ESRRB: variants seen among roughly 807,000 people sequenced by gnomAD.
The protein encoded by ESRRB is steroid hormone receptor ERR2.
A neutral mutation model predicts 46.0 loss-of-function variants in ESRRB; 16 were observed. The observed-to-expected ratio is 0.35, with a 90% CI of 0.24 to 0.53. The LOEUF is 0.53. ESRRB is among the 20% of genes least tolerant of loss of function. The pLI is 0.93. For missense variants in ESRRB, 488 were observed against 607.4 expected, an observed-to-expected ratio of 0.80 and a Z score of 2.07; for synonymous variants, 246 against 259.6, an observed-to-expected ratio of 0.95 and a Z score of 0.50.
chr14:76,474,842 A>G (rs1323556275), intron 3 of ESRRB, among the ~76,000 whole-genome samples: 1 of 151,332 alleles, frequency 6.6e-6, no homozygotes, highest in Non-Finnish European at 1.5e-5. Flanking sequence ...AAACAAAACA[A>G]AACAAAACAA....
chr14:76,351,941 C>G (rs1001620427), intron 1 of ESRRB, among the ~76,000 whole-genome samples: 1 of 143,806 alleles, frequency 7.0e-6, no homozygotes, highest in Admixed American at 7.2e-5. Context: ...ACTATGATGG[C>G]ACTACTGCAC....
At chr14:76,366,241 T>C (rs1163542316) in intron 1 of ESRRB, among the ~76,000 whole-genome samples, 1 of 152,128 alleles carries the variant, frequency 6.6e-6, no homozygotes, top group Admixed American at 6.5e-5. Flanking sequence ...TAAAAGATTT[T>C]CTTCACATTA....
chr14:76,330,518 G>T (rs190248930), intron 1 of ESRRB, among the ~76,000 whole-genome samples: 2 of 152,194 alleles, frequency 1.3e-5, no homozygotes, highest in Admixed American at 6.5e-5. Context: ...GGTTGCCCCC[G>T]CACTCTGTCC....
At chr14:76,366,860 G>C (rs569864520), upstream of ESRRB, among the ~76,000 whole-genome samples, 1 of 152,212 alleles carries the variant, frequency 6.6e-6, no homozygotes, top group African/African-American at 2.4e-5. Context: ...ACCTGTGTGG[G>C]GCTCTGCAAA....
intron 5 of ESRRB, among the ~76,000 whole-genome samples, chr14:76,483,818 G>A (rs1482817618): frequency 6.6e-6 from 1 of 152,166 alleles, no homozygotes; most frequent in Non-Finnish European, 1.5e-5. Flanking sequence ...ATACAGCAAA[G>A]GTGACCTAGA....
chr14:76,410,806 CAG>C (rs1230400662), intron 1 of ESRRB, among the ~76,000 whole-genome samples: 3 of 151,654 alleles, frequency 2.0e-5, no homozygotes, highest in African/African-American at 4.8e-5. Flanking sequence ...TTTTTTGAGA[CAG>C]AGTCTCTCTC....
In ESRRB at chr14:76,358,331, G is replaced by T. The variant is rs7493988; in HGVS notation, c.2+47415G>T. On this transcript the variant is annotated intron_variant, in intron 1 of 6. Transcript: ENST00000512784. ...TGTCTCAAAAAAAAAAAAAAAGAAA[G>T]AAAGAAAGAAAGAAAGAAAGAAAGA... Among the ~76,000 whole-genome samples, 8 of 12,422 alleles carry T rather than the reference G, an allele frequency of 6.4e-4. 1 individual carries two copies. The highest frequency in any genetic ancestry group is 1.0e-3 in the Admixed American group (1 of 962). 8.1% of individuals were successfully genotyped at this position (12,422 alleles called of 152,430 possible). A position where few individuals can be genotyped will look rare whatever the true frequency, so the allele number is the denominator to read the frequency against.
chr14:76,328,813 G>A (rs945450446), intron 1 of ESRRB, among the ~76,000 whole-genome samples: 6 of 152,090 alleles, frequency 3.9e-5, no homozygotes, highest in Non-Finnish European at 8.8e-5. Context: ...GTCTGCAGTA[G>A]CCCCTGAGTC....
At chr14:76,355,290 T>C (rs2361000) in intron 1 of ESRRB, among the ~76,000 whole-genome samples, 29,799 of 152,110 alleles carry the variant, frequency 0.2, 3,647 homozygotes, top group Non-Finnish European at 0.28. Context: ...CCCGAAATAC[T>C]GAGTTTGTGT....
intron 3 of ESRRB, among the ~76,000 whole-genome samples, chr14:76,472,491 T>C (rs1889412374): frequency 6.6e-6 from 1 of 152,222 alleles, no homozygotes; most frequent in South Asian, 2.1e-4. Flanking sequence ...CTCTCTCTCT[T>C]AGCTTTTAGG....
At chr14:76,363,382 C>T (rs1366915084) in intron 1 of ESRRB, among the ~76,000 whole-genome samples, 3 of 152,186 alleles carry the variant, frequency 2.0e-5, no homozygotes, top group Non-Finnish European at 2.9e-5. Flanking sequence ...AATTGGTCCT[C>T]ATGGGGAAAT....
chr14:76,431,784 C>T lies in ESRRB; in HGVS notation c.51-7557C>T, dbSNP rs191780213. On this transcript the variant is annotated intron_variant, in intron 1 of 6. Transcript: ENST00000644823. ...CTCCCCATGAAGAGTCAATAGTTAT[C>T]GATCCAGTGGGGAACTGGGTCCCAG... Among the ~76,000 whole-genome samples the T allele has an allele frequency of 2.0e-4, 30 of 152,264 alleles. No individual in the cohort carries two copies. In the East Asian group the frequency reaches 2.1e-3, roughly 11 times the overall value.
chr14:76,476,189 T>C (rs1359014729), intron 3 of ESRRB, among the ~76,000 whole-genome samples: 1 of 152,110 alleles, frequency 6.6e-6, no homozygotes, highest in African/African-American at 2.4e-5. Flanking sequence ...TTCCAGGGAT[T>C]ATCAATTTTT....
intron 1 of ESRRB, among the ~76,000 whole-genome samples, chr14:76,349,140 C>T (rs1014262915): frequency 2.0e-5 from 3 of 152,154 alleles, no homozygotes; most frequent in African/African-American, 7.2e-5. Flanking sequence ...AGTGAGTCAG[C>T]GCATCCGGAC....
intron 1 of ESRRB, among the ~76,000 whole-genome samples, chr14:76,360,967 T>C (rs1231207732): frequency 1.3e-5 from 2 of 152,202 alleles, no homozygotes; most frequent in Admixed American, 1.3e-4. Flanking sequence ...TGAGACAATA[T>C]TCAGGCAGGG....
intron 6 of ESRRB, among the ~76,000 whole-genome samples, chr14:76,494,307 CTT>C (rs34982499): frequency 7.7e-5 from 11 of 142,276 alleles, no homozygotes; most frequent in African/African-American, 1.3e-4. Context: ...TACAGAATAA[CTT>C]TTTTTTTTTT....
At chr14:76,475,734 G>A (rs992686182) in intron 3 of ESRRB, among the ~76,000 whole-genome samples, 5 of 152,150 alleles carry the variant, frequency 3.3e-5, no homozygotes, top group Non-Finnish European at 5.9e-5. Flanking sequence ...TTTTGGGGGT[G>A]TATACCTAAG....
rs938931656 is a variant in ESRRB, at chr14:76,376,562, C to T, written c.50+111C>T. ...TCTTGTGTAAAAGTGGAAGGGACTT[C>T]GGGGGGGCACTTGGGGGACGAAGGA... is the stretch of plus-strand genomic sequence containing the variant. On this transcript the variant is annotated intron_variant, in intron 1 of 6. Coordinates refer to ENST00000644823, the MANE Select transcript of ESRRB (RefSeq NM_001379180.1). This position sits in a 1 kb window ranked among gnomAD's most constrained non-coding sequence, Gnocchi z 4.1. The T allele has an allele frequency of 6.1e-6, 4 of 655,900 alleles. No individual in the cohort carries two copies. In the African/African-American group the frequency reaches 7.5e-5, roughly 12 times the overall value. The allele number at this position is 655,900 out of a possible 1,614,324, so 40.6% of individuals were successfully genotyped here. A position where few individuals can be genotyped will look rare whatever the true frequency, so the allele number is the denominator to read the frequency against.
intron 1 of ESRRB, among the ~76,000 whole-genome samples, chr14:76,315,390 G>A (rs747565320): frequency 5.9e-5 from 9 of 152,070 alleles, no homozygotes; most frequent in Non-Finnish European, 8.8e-5. Flanking sequence ...GCCCTGACCC[G>A]TGCTCTACGG....
Sources: allele counts gnomAD v4.1 joint callset (sites outside exome capture counted in the v4.1 genomes callset), GRCh38; gene constraint gnomAD v4.1.1; non-coding constraint Gnocchi (gnomAD v3.1); transcripts MANE v1.5; gene names NCBI Gene and HGNC (gene_info 2026-07-23, HGNC 2026-07-21).